PLAC1: variants seen among roughly 807,000 people sequenced by gnomAD.
The protein encoded by PLAC1 is placenta-specific protein 1.
For missense variants in PLAC1, 136 were observed against 163.2 expected, an observed-to-expected ratio of 0.83 and a Z score of 0.91; for synonymous variants, 68 against 62.1, an observed-to-expected ratio of 1.09 and a Z score of -0.44.
chrX:134,756,190 C>G (rs1272491492), intron 1 of PLAC1, among the ~76,000 whole-genome samples: 1 of 110,159 alleles, frequency 9.1e-6, no homozygotes, highest in African/African-American at 3.3e-5. Context: ...CTGATTTTTG[C>G]CATGCAAAAA....
At chrX:134,747,086 T>C (rs967629256) in intron 1 of PLAC1, among the ~76,000 whole-genome samples, 2 of 112,136 alleles carry the variant, frequency 1.8e-5, no homozygotes, top group African/African-American at 6.5e-5. Context: ...TTAACCTTAG[T>C]TGATGTGTAA....
intron 1 of PLAC1, among the ~76,000 whole-genome samples, chrX:134,757,633 T>C (rs774273883): frequency 3.8e-4 from 43 of 111,934 alleles, no homozygotes; most frequent in Non-Finnish European, 7.7e-4. Flanking sequence ...ATATGGGCTA[T>C]GAATAAAATA....
chrX:134,642,141 T>C (rs2078310381), intron 1 of PLAC1, among the ~76,000 whole-genome samples: 1 of 112,085 alleles, frequency 8.9e-6, no homozygotes, highest in African/African-American at 3.2e-5. Flanking sequence ...CCCTTTGGGG[T>C]TGAAACCTCT....
intron 1 of PLAC1, among the ~76,000 whole-genome samples, chrX:134,626,538 T>C (rs1428900901): frequency 8.9e-6 from 1 of 112,300 alleles, no homozygotes; most frequent in Admixed American, 9.4e-5. Context: ...CCCATCTCTC[T>C]GGGAGAGACA....
intron 1 of PLAC1, among the ~76,000 whole-genome samples, chrX:134,648,673 G>A (rs1418619606): frequency 2.7e-5 from 3 of 111,055 alleles, no homozygotes; most frequent in Admixed American, 9.5e-5. Flanking sequence ...GTGACAGAGC[G>A]AGACTCCATC....
At chrX:134,597,696 C>T (rs2078068591) in intron 2 of PLAC1, among the ~76,000 whole-genome samples, 1 of 112,052 alleles carries the variant, frequency 8.9e-6, no homozygotes, top group Admixed American at 9.5e-5. Context: ...AGTTCAGGCT[C>T]ACCACTCAGC....
chrX:134,746,615 C>A (rs1399613630), intron 1 of PLAC1, among the ~76,000 whole-genome samples: 1 of 111,881 alleles, frequency 8.9e-6, no homozygotes, highest in East Asian at 2.8e-4. Flanking sequence ...TTTGGCTCCA[C>A]TGGCCATATC....
intron 1 of PLAC1, among the ~76,000 whole-genome samples, chrX:134,645,860 C>T (rs987685298): frequency 8.1e-5 from 9 of 111,535 alleles, no homozygotes; most frequent in Non-Finnish European, 1.3e-4. Context: ...CAAGAAATTT[C>T]CCCTAGTCCC....
At chrX:134,744,723 A>G (rs1300132956) in intron 1 of PLAC1, among the ~76,000 whole-genome samples, 5 of 111,600 alleles carry the variant, frequency 4.5e-5, no homozygotes, top group Non-Finnish European at 7.5e-5. Context: ...TCTGCTATTT[A>G]CAAGCTACGT....
At chrX:134,627,926 A>G (rs2078243673) in intron 1 of PLAC1, among the ~76,000 whole-genome samples, 1 of 111,565 alleles carries the variant, frequency 9.0e-6, no homozygotes, top group Admixed American at 9.5e-5. Context: ...GGGAGGTTCC[A>G]CCACTGACTA....
chrX:134,625,919 G>T (rs1413044158), intron 1 of PLAC1, among the ~76,000 whole-genome samples: 6 of 110,938 alleles, frequency 5.4e-5, no homozygotes, highest in Admixed American at 9.6e-5. Context: ...GCTGAAACTC[G>T]CAGGCTATCA....
At chrX:134,697,851 G>A (rs779748466) in intron 2 of PLAC1, among the ~76,000 whole-genome samples, 1 of 111,347 alleles carries the variant, frequency 9.0e-6, no homozygotes, top group African/African-American at 3.3e-5. Flanking sequence ...CTGGGCGACA[G>A]AGTGAGACTC....
chrX:134,672,433 G>A (rs760513744), intron 2 of PLAC1, among the ~76,000 whole-genome samples: 1 of 111,676 alleles, frequency 9.0e-6, no homozygotes, highest in East Asian at 2.8e-4. Flanking sequence ...ACTCTCTCTT[G>A]CTCTCTCTTC....
Position 134,708,960 on chromosome X carries a change from T to C in PLAC1, n.174+24475A>G, listed in dbSNP as rs1286345634. Among the ~76,000 whole-genome samples the C allele has an allele frequency of 3.6e-5, 4 of 111,937 alleles. No homozygotes were observed. In the East Asian group the frequency reaches 1.1e-3, roughly 31 times the overall value. ...ACTCTAGTTATGTAAAATATAATCATGGGAGAAAGTCAGTGAATGGTACAG... is the reference window on the plus strand; with the variant it reads ...ACTCTAGTTATGTAAAATATAATCACGGGAGAAAGTCAGTGAATGGTACAG... On this transcript the variant is annotated intron_variant and non_coding_transcript_variant, in intron 2 of 2. Coordinates refer to the PLAC1 transcript ENST00000466797.
At chrX:134,674,224 T>C in intron 2 of PLAC1, among the ~76,000 whole-genome samples, 2 of 112,877 alleles carry the variant, frequency 1.8e-5, no homozygotes, top group African/African-American at 6.4e-5. Context: ...TCAGAAATTC[T>C]AGATTCAGGA....
rs1042016925 is a variant in PLAC1, at chrX:134,566,004, T to C, written c.*40A>G. On this transcript the variant is annotated 3_prime_UTR_variant, in exon 3 of 3. Coordinates refer to ENST00000359237, the MANE Select transcript of PLAC1 (RefSeq NM_021796.4). ...CAGACATTTGTACACTATATACTAATTCTAGAAATAGCATCTTCAGGAGAC... is the reference window on the plus strand; with the variant it reads ...CAGACATTTGTACACTATATACTAACTCTAGAAATAGCATCTTCAGGAGAC... The C allele has an allele frequency of 1.3e-5, 15 of 1,122,854 alleles. No homozygotes were observed. Among genetic ancestry groups the C allele is most frequent in the Admixed American group, 4.5e-5 (2 of 44,465 alleles). The allele number at this position is 1,122,854 out of a possible 1,213,427, so 92.5% of individuals were successfully genotyped here.
At chrX:134,591,362 T>G (rs754666264) in intron 2 of PLAC1, among the ~76,000 whole-genome samples, 1 of 112,626 alleles carries the variant, frequency 8.9e-6, no homozygotes, top group East Asian at 2.8e-4. Flanking sequence ...CCTGGGTGCT[T>G]CTTTTGCCAA....
intron 2 of PLAC1, among the ~76,000 whole-genome samples, chrX:134,686,902 C>T (rs999173543): frequency 9.9e-5 from 11 of 111,122 alleles, no homozygotes; most frequent in African/African-American, 3.6e-4. Flanking sequence ...GAATTAATCC[C>T]GACACAGAAT....
intron 1 of PLAC1, among the ~76,000 whole-genome samples, chrX:134,630,112 C>T (rs1281230996): frequency 3.7e-5 from 4 of 109,073 alleles, no homozygotes; most frequent in Admixed American, 2.0e-4. Context: ...GCTGGGATTA[C>T]GGGCATGCGC....
Sources: gnomAD v4.1 joint callset for allele counts (sites outside exome capture counted in the v4.1 genomes callset) on GRCh38, gnomAD v4.1.1 for gene constraint, MANE v1.5 for transcripts, NCBI Gene and HGNC (gene_info 2026-07-23, HGNC 2026-07-21) for gene names.